Variants in ZNF410 observed in about 807,000 individuals in gnomAD.
ZNF410 encodes the protein zinc finger protein 410, also known as another partner for ARF 1.
ZNF410 carries 18 observed loss-of-function variants against 54.8 expected under a neutral mutation model. That is an observed-to-expected ratio of 0.33 (90% confidence interval 0.23 to 0.49). The LOEUF (loss-of-function observed/expected upper bound fraction) is 0.49, where lower values mean the gene tolerates loss of function less well. ZNF410 is among the 20% of genes least tolerant of loss of function. ZNF410 has a pLI of 0.99. For missense variants in ZNF410, 405 were observed against 569.6 expected, an observed-to-expected ratio of 0.71 and a Z score of 2.94; for synonymous variants, 191 against 207.3, an observed-to-expected ratio of 0.92 and a Z score of 0.68.
intron 8 of ZNF410, 109 bp from the exon 9 acceptor site, chr14:73,920,871 G>A: frequency 7.0e-7 from 1 of 1,418,498 alleles, no homozygotes; most frequent in Non-Finnish European, 9.6e-7. Context: ...GGGAAAAGGA[G>A]CAGCTGCTTA....
intron 5 of ZNF410, among the ~76,000 whole-genome samples, chr14:73,901,694 G>A (rs1223949233): frequency 4.0e-5 from 6 of 151,796 alleles, no homozygotes; most frequent in Non-Finnish European, 8.8e-5. Flanking sequence ...ACTTTGGGTG[G>A]CCGAGGCGGG....
At chr14:73,898,376 G>C in intron 5 of ZNF410, 114 bp downstream of exon 5, 1 of 1,112,374 alleles carries the variant, frequency 9.0e-7, no homozygotes, top group Non-Finnish European at 1.3e-6. Context: ...AGAGCAGAAG[G>C]CTAGAAATCT....
Position 73,898,223 on chromosome 14 carries a change from C to T in ZNF410, c.541C>T (p.Arg181Cys), listed in dbSNP as rs750580710. 3.0e-5 allele frequency: 48 copies of T among 1,613,934 alleles called. No individual in the cohort carries two copies. Among genetic ancestry groups the T allele is most frequent in the Non-Finnish European group, 3.5e-5 (41 of 1,180,004 alleles). ...LAHDSLIAAT[R>C]AQLAKNAKTS... ...CCATGACAGTTTGATTGCTGCTACTCGTGCACAACTGGCAAAGAATGCAAA... is the reference window on the plus strand; with the variant it reads ...CCATGACAGTTTGATTGCTGCTACTTGTGCACAACTGGCAAAGAATGCAAA... Residue 181 changes from arginine to cysteine, a missense_variant, in exon 5 of 12, where the codon CGT becomes TGT. Coordinates refer to ENST00000555044, the MANE Select transcript of ZNF410 (RefSeq NM_021188.3).
intron 1 of ZNF410, 55 bp from the exon 2 acceptor site, chr14:73,891,972 C>A: frequency 2.9e-6 from 2 of 688,828 alleles, no homozygotes; most frequent in South Asian, 3.1e-5. Flanking sequence ...CTTTATGTAC[C>A]TGTGTTTTCC....
At chr14:73,930,729 A>T (rs532814240) in intron 11 of ZNF410, among the ~76,000 whole-genome samples, 1 of 152,178 alleles carries the variant, frequency 6.6e-6, no homozygotes, top group Admixed American at 6.6e-5. Context: ...CAGCCTCCCA[A>T]GTAGCTAGGA....
intron 1 of ZNF410, among the ~76,000 whole-genome samples, chr14:73,889,449 A>AG (rs1343296905): frequency 6.7e-6 from 1 of 148,502 alleles, no homozygotes; most frequent in Admixed American, 6.7e-5. Context: ...AAAAAAAAAA[A>AG]AAAAGAAATA....
chr14:73,903,922 G>A lies in ZNF410; in HGVS notation c.581-38G>A, dbSNP rs917507132. On this transcript the variant is annotated intron_variant, in intron 5 of 11. Coordinates refer to ENST00000555044, the MANE Select transcript of ZNF410 (RefSeq NM_021188.3). ...GTTTGAGCCTAAGTATCTGAGTAGG[G>A]TCTTTCCCTGGATTACAAATATGTG... The A allele has an allele frequency of 5.0e-6, 8 of 1,612,854 alleles. No individual in the cohort carries two copies. The Admixed American group carries it at 5.0e-5, about 10-fold the overall frequency.
At chr14:73,905,288 TG>T (rs2055463991) in intron 7 of ZNF410, 2 of 486,296 alleles carry the variant, frequency 4.1e-6, no homozygotes, top group Admixed American at 3.8e-5. Flanking sequence ...GAGTAGACAG[TG>T]TTGATTTCTG....
chr14:73,897,059 G>C (rs968730517), intron 4 of ZNF410, among the ~76,000 whole-genome samples: 4 of 152,130 alleles, frequency 2.6e-5, no homozygotes, highest in Admixed American at 6.6e-5. Flanking sequence ...GAAGAGAACT[G>C]GGAGAGAGTG....
intron 11 of ZNF410, 108 bp downstream of exon 11, chr14:73,923,630 C>A: frequency 7.0e-7 from 1 of 1,420,514 alleles, no homozygotes; most frequent in Non-Finnish European, 9.5e-7. Context: ...GAAACTTTGG[C>A]ACGAATATTT....
At chr14:73,890,225 G>T (rs1468921520) in intron 1 of ZNF410, among the ~76,000 whole-genome samples, 8 of 149,150 alleles carry the variant, frequency 5.4e-5, no homozygotes, top group African/African-American at 2.0e-4. Flanking sequence ...GTCTTGCTCT[G>T]TCGCCCAGGC....
intron 5 of ZNF410, among the ~76,000 whole-genome samples, chr14:73,903,142 T>C (rs1281964560): frequency 6.6e-6 from 1 of 152,204 alleles, no homozygotes. Context: ...TGTTTGTTTG[T>C]TTTTGAAACA....
chr14:73,896,044 C>A (rs915767432), intron 3 of ZNF410: 5 of 420,044 alleles, frequency 1.2e-5, no homozygotes, highest in South Asian at 7.0e-5. Flanking sequence ...GGACTAAATT[C>A]TGTGATGTCC....
intron 11 of ZNF410, among the ~76,000 whole-genome samples, chr14:73,927,699 G>A (rs2055853441): frequency 6.6e-6 from 1 of 152,100 alleles, no homozygotes; most frequent in Non-Finnish European, 1.5e-5. Context: ...TTATACAATA[G>A]TAAACAAAAT....
intron 1 of ZNF410, chr14:73,887,304 T>A (rs2055158232): frequency 6.6e-6 from 1 of 152,330 alleles, no homozygotes. Context: ...GGGTAGAGGA[T>A]GCCAGGAGGC....
chr14:73,911,798 G>GTTAT (rs2140312956), intron 8 of ZNF410, among the ~76,000 whole-genome samples: 1 of 152,120 alleles, frequency 6.6e-6, no homozygotes, highest in Non-Finnish European at 1.5e-5. Flanking sequence ...ATTATATTTG[G>GTTAT]TTATTAAGTC....
At chr14:73,909,558 C>A in intron 8 of ZNF410, 128 bp downstream of exon 8, 2 of 670,622 alleles carry the variant, frequency 3.0e-6, no homozygotes, top group Non-Finnish European at 2.5e-6. Context: ...AGCTTCTCAT[C>A]ATCATGACAG....
At chr14:73,916,009 G>A (rs1279102887) in intron 8 of ZNF410, 1 of 152,396 alleles carries the variant, frequency 6.6e-6, no homozygotes, top group East Asian at 1.9e-4. Context: ...GGAGGCCAAG[G>A]CAGGAGGATT....
chr14:73,903,740 G>A (rs942273032), intron 5 of ZNF410: 1 of 554,800 alleles, frequency 1.8e-6, no homozygotes, highest in Non-Finnish European at 3.2e-6. Context: ...GGCTCAAGCA[G>A]TCCTCCCACC....
Sources: allele counts gnomAD v4.1 joint callset (sites outside exome capture counted in the v4.1 genomes callset), GRCh38; gene constraint gnomAD v4.1.1; transcripts MANE v1.5; gene names NCBI Gene and HGNC (gene_info 2026-07-23, HGNC 2026-07-21).